Variants in UGT1A9 observed in about 807,000 individuals in gnomAD.
UGT1A9 encodes the protein UDP-glucuronosyltransferase 1A9.
Under a neutral mutation model 45.0 loss-of-function variants are expected in UGT1A9, and 35 were observed. The observed-to-expected ratio is 0.78, with a 90% CI of 0.59 to 1.03. The LOEUF (loss-of-function observed/expected upper bound fraction) is 1.03. UGT1A9 is among the 50% of genes least tolerant of loss of function. The pLI is 0.00. For synonymous variants in UGT1A9, 278 were observed against 250.6 expected, an observed-to-expected ratio of 1.11 and a Z score of -1.03; for missense variants, 687 against 666.6, an observed-to-expected ratio of 1.03 and a Z score of -0.34.
intron 4 of UGT1A9, chr2:233,771,409 C>G (rs1252416049): frequency 6.6e-6 from 1 of 152,166 alleles, no homozygotes; most frequent in Non-Finnish European, 1.5e-5. Flanking sequence ...TGAACACTGT[C>G]CAGAATAAAC....
At chr2:233,736,410 T>C (rs1179819701) in intron 1 of UGT1A9, among the ~76,000 whole-genome samples, 1 of 152,232 alleles carries the variant, frequency 6.6e-6, no homozygotes, top group Non-Finnish European at 1.5e-5. Flanking sequence ...TAGGCATTCA[T>C]CTAACCTTTT....
At chr2:233,726,985 G>C (rs1185524522) in intron 1 of UGT1A9, among the ~76,000 whole-genome samples, 1 of 152,130 alleles carries the variant, frequency 6.6e-6, no homozygotes, top group African/African-American at 2.4e-5. Flanking sequence ...TTTTGATGAG[G>C]TTCTTTCTAG....
At chr2:233,743,853 C>G (rs759074098) in intron 1 of UGT1A9, 129 of 1,367,160 alleles carry the variant, frequency 9.4e-5, no homozygotes, top group Non-Finnish European at 1.2e-4. Context: ...TTGCGGTACG[C>G]CTTCTTGATG....
chr2:233,737,106 C>A (rs1413707543), intron 1 of UGT1A9, among the ~76,000 whole-genome samples: 1 of 152,198 alleles, frequency 6.6e-6, no homozygotes, highest in African/African-American at 2.4e-5. Flanking sequence ...TCTGCTGTTC[C>A]CCACATGTTC....
At chr2:233,716,525 A>C (rs931011254) in intron 1 of UGT1A9, among the ~76,000 whole-genome samples, 1 of 152,164 alleles carries the variant, frequency 6.6e-6, no homozygotes, top group Non-Finnish European at 1.5e-5. Context: ...CTTACCATTC[A>C]ATTATCTCCT....
At position 233,712,486 on chromosome 2, in the gene UGT1A9, G is replaced by A. The variant is rs575970867; in HGVS notation, c.855+39697G>A. Among the ~76,000 whole-genome samples, 6 of 152,296 alleles carry A rather than the reference G, an allele frequency of 3.9e-5. No homozygotes were observed. In the South Asian group the frequency reaches 1.2e-3, roughly 32 times the overall value. Reference sequence around the variant, plus strand: ...CCTCCCCACTCCCTGTTTAAAGAAAGCTGGCTTAGCAATGTTGTCTGCATT... The same window carrying A: ...CCTCCCCACTCCCTGTTTAAAGAAAACTGGCTTAGCAATGTTGTCTGCATT... On this transcript the variant is annotated intron_variant, in intron 1 of 4. Coordinates refer to ENST00000354728, the MANE Select transcript of UGT1A9 (RefSeq NM_021027.3).
chr2:233,748,945 A>T (rs1040839145), intron 1 of UGT1A9, among the ~76,000 whole-genome samples: 1 of 151,666 alleles, frequency 6.6e-6, no homozygotes, highest in Non-Finnish European at 1.5e-5. Context: ...AACCCACCCT[A>T]TCCCACTCCA....
At chr2:233,756,805 G>A (rs1176135462) in intron 1 of UGT1A9, among the ~76,000 whole-genome samples, 2 of 151,978 alleles carry the variant, frequency 1.3e-5, no homozygotes, top group South Asian at 2.1e-4. Context: ...CACTAGTAAA[G>A]GTCACTCAAT....
Position 233,761,122 on chromosome 2 carries a change from A to T in UGT1A9, c.856-5912A>T, listed in dbSNP as rs397978903. 136 of 1,614,116 alleles carry T rather than the reference A, an allele frequency of 8.4e-5. No individual in the cohort carries two copies. Among genetic ancestry groups the T allele is most frequent in the Non-Finnish European group, 1.1e-4 (124 of 1,180,046 alleles). On this transcript the variant is annotated intron_variant, in intron 1 of 4. Coordinates refer to ENST00000354728, the MANE Select transcript of UGT1A9 (RefSeq NM_021027.3). The stretch of plus-strand genomic sequence containing the variant: ...CAATATGGTTTTTGTTGGTGGAATC[A>T]ACTGCCTTCACCAAAATCCACTATC...
chr2:233,724,200 G>A (rs1277463705), intron 1 of UGT1A9, among the ~76,000 whole-genome samples: 6 of 126,908 alleles, frequency 4.7e-5, no homozygotes, highest in Admixed American at 1.5e-4. Context: ...GTGGCTGGCC[G>A]GGCTGAGGGG....
At chr2:233,743,417 G>C (rs1204856342) in intron 1 of UGT1A9, 2 of 1,334,558 alleles carry the variant, frequency 1.5e-6, no homozygotes, top group African/African-American at 1.5e-5. Flanking sequence ...CCACTTCCCA[G>C]GGAGCCAAAG....
chr2:233,729,531 G>A (rs757870746), intron 1 of UGT1A9: 11 of 1,614,140 alleles, frequency 6.8e-6, no homozygotes, highest in Non-Finnish European at 9.3e-6. Context: ...TACATAATGA[G>A]GCCCTGATCA....
chr2:233,758,503 A>C (rs1293377688), intron 1 of UGT1A9, among the ~76,000 whole-genome samples: 1 of 152,234 alleles, frequency 6.6e-6, no homozygotes, highest in Non-Finnish European at 1.5e-5. Context: ...AATTTCTAAT[A>C]AGGACACAAC....
At chr2:233,760,982 C>T (rs147640261) in intron 1 of UGT1A9, 5 of 1,614,220 alleles carry the variant, frequency 3.1e-6, no homozygotes, top group Non-Finnish European at 4.2e-6. Flanking sequence ...CCGTATGCAA[C>T]CCTTGCCTCA....
chr2:233,731,043 C>T (rs765332681), intron 1 of UGT1A9, among the ~76,000 whole-genome samples: 13 of 152,202 alleles, frequency 8.5e-5, no homozygotes, highest in East Asian at 1.9e-4. Context: ...TCATATTCAC[C>T]GAATGTGTAT....
intron 1 of UGT1A9, among the ~76,000 whole-genome samples, chr2:233,675,268 C>T (rs2074316080): frequency 6.6e-6 from 1 of 152,142 alleles, no homozygotes; most frequent in South Asian, 2.1e-4. Context: ...CTATATCATT[C>T]CGTGTGGTCA....
intron 1 of UGT1A9, among the ~76,000 whole-genome samples, chr2:233,734,657 A>G (rs1389558129): frequency 6.6e-6 from 1 of 152,186 alleles, no homozygotes; most frequent in African/African-American, 2.4e-5. Context: ...ATTTAATGCT[A>G]TAAATTTCCC....
At chr2:233,717,672 G>C in intron 1 of UGT1A9, 1 of 421,080 alleles carries the variant, frequency 2.4e-6, no homozygotes, top group Admixed American at 2.5e-5. Flanking sequence ...GCAATCTTGC[G>C]AGCACATGTA....
rs766146681 is a variant in UGT1A9, at chr2:233,672,183, G to A, written c.249G>A (p.Leu83=). ...TVKTYSTSYT[L]EDLDREFKAF... ...AGACTTATTCAACTTCATATACCCT[G>A]GAGGATCTGGACCGGGAGTTCAAGG... The change falls in exon 1 of 5, where the codon CTG becomes CTA. Residue 83 remains leucine, a synonymous_variant. Coordinates refer to ENST00000354728, the MANE Select transcript of UGT1A9 (RefSeq NM_021027.3). The A allele has an allele frequency of 6.2e-7, 1 of 1,614,064 alleles. No homozygotes were observed. Among genetic ancestry groups the A allele is most frequent in the Non-Finnish European group, 8.5e-7 (1 of 1,180,026 alleles).
Sources: gnomAD v4.1 joint callset for allele counts (sites outside exome capture counted in the v4.1 genomes callset) on GRCh38, gnomAD v4.1.1 for gene constraint, MANE v1.5 for transcripts, NCBI Gene and HGNC (gene_info 2026-07-23, HGNC 2026-07-21) for gene names.